VPS13A: variants seen among roughly 807,000 people sequenced by gnomAD.
VPS13A encodes the protein intermembrane lipid transfer protein VPS13A.
VPS13A carries 264 observed loss-of-function variants against 390.9 expected under a neutral mutation model. The ratio of observed to expected loss-of-function variants is 0.68; its 90% CI spans 0.61 to 0.75. The LOEUF is 0.75. VPS13A is among the 30% of genes least tolerant of loss of function. VPS13A has a pLI of 0.00. For synonymous variants in VPS13A, 1,231 were observed against 1,227.1 expected (o/e 1.00, Z -0.07); for missense variants, 3,409 against 3,733.9 (o/e 0.91, Z 2.27).
At chr9:77,379,823 G>T (rs1833331191) in intron 67 of VPS13A, among the ~76,000 whole-genome samples, 1 of 152,184 alleles carries the variant, frequency 6.6e-6, no homozygotes, top group African/African-American at 2.4e-5. Flanking sequence ...TATATATTCT[G>T]TTGTTGTTGG....
intron 5 of VPS13A, among the ~76,000 whole-genome samples, chr9:77,209,019 T>C (rs911502785): frequency 1.3e-5 from 2 of 152,236 alleles, no homozygotes; most frequent in African/African-American, 4.8e-5. Context: ...TCAACTGTTT[T>C]ACACATCTAT....
intron 67 of VPS13A, among the ~76,000 whole-genome samples, chr9:77,373,200 G>A (rs919338634): frequency 3.9e-4 from 59 of 150,586 alleles, no homozygotes; most frequent in East Asian, 3.9e-4. Flanking sequence ...CCAAAAGAAC[G>A]AAGCTGGAGG....
At chr9:77,286,719 T>C (rs903548926) in intron 31 of VPS13A, among the ~76,000 whole-genome samples, 5 of 152,176 alleles carry the variant, frequency 3.3e-5, no homozygotes, top group Admixed American at 2.0e-4. Flanking sequence ...TCACAGTTGA[T>C]GGTCAGGAAC....
chr9:77,341,751 T>G (rs1450778009), intron 50 of VPS13A, among the ~76,000 whole-genome samples: 4 of 144,124 alleles, frequency 2.8e-5, no homozygotes, highest in Non-Finnish European at 6.1e-5. Flanking sequence ...ACTATTTAAG[T>G]CTTCAACTGA....
At chr9:77,180,206 T>C (rs1823923307) in intron 1 of VPS13A, among the ~76,000 whole-genome samples, 1 of 152,216 alleles carries the variant, frequency 6.6e-6, no homozygotes, top group Admixed American at 6.5e-5. Context: ...TGTGGATGTA[T>C]GTTTTAAATT....
intron 19 of VPS13A, among the ~76,000 whole-genome samples, chr9:77,245,033 A>C (rs932703155): frequency 2.0e-5 from 3 of 152,110 alleles, no homozygotes; most frequent in Non-Finnish European, 2.9e-5. Flanking sequence ...GAGTGAGGGG[A>C]GAGTGGAGGG....
rs1302061472 is a variant in VPS13A, at chr9:77,273,462, A to G, written c.2512+98A>G. 4 of 987,666 alleles carry G rather than the reference A, an allele frequency of 4.0e-6. No homozygotes were observed. The highest frequency in any genetic ancestry group is 6.0e-6 in the Non-Finnish European group (4 of 671,624). 61.2% of individuals were successfully genotyped at this position (987,666 alleles called of 1,614,324 possible). ...CAAAGGACCACACAGAGGAAGGAAA[A>G]TATCTTTTCCTTTTAAAATCTAGGT... On this transcript the variant is annotated intron_variant, in intron 24 of 71. Coordinates refer to ENST00000360280, the MANE Select transcript of VPS13A (RefSeq NM_033305.3).
Position 77,281,895 on chromosome 9 carries a change from G to T in VPS13A, c.2933G>T (p.Ser978Ile), listed in dbSNP as rs1827047640. The change falls in exon 28 of 72, where the codon AGT (serine) becomes ATT (isoleucine). Residue 978 changes from serine to isoleucine, a missense_variant. This residue lies in a region of VPS13A where 2,717 missense variants were observed against 2,917.4 expected (regional missense o/e 0.93). Coordinates refer to ENST00000360280, the MANE Select transcript of VPS13A (RefSeq NM_033305.3). ...GAAAAGAATGTACCCGACTTGAAAA[G>T]TACCTATAACAATGTTTTACAATTG... ...KAEKNVPDLK[S>I]TYNNVLQLIK... is the part of the protein sequence containing the mutation. 2.5e-6 allele frequency: 4 copies of T among 1,603,944 alleles called. No individual in the cohort carries two copies. Among genetic ancestry groups the T allele is most frequent in the Non-Finnish European group, 3.4e-6 (4 of 1,171,868 alleles).
At chr9:77,378,618 T>C (rs769015583) in intron 67 of VPS13A, among the ~76,000 whole-genome samples, 1 of 152,014 alleles carries the variant, frequency 6.6e-6, no homozygotes, top group Non-Finnish European at 1.5e-5. Context: ...AGTGATGGCG[T>C]GTCATTTTTG....
chr9:77,408,535 T>C (rs1232213139), intron 71 of VPS13A, among the ~76,000 whole-genome samples: 1 of 152,190 alleles, frequency 6.6e-6, no homozygotes, highest in Non-Finnish European at 1.5e-5. Context: ...GGAATTCCCT[T>C]TCCTAGTCAA....
intron 44 of VPS13A, 58 bp downstream of exon 44, chr9:77,321,804 T>G: frequency 1.3e-6 from 2 of 1,590,030 alleles, no homozygotes; most frequent in Non-Finnish European, 1.7e-6. Context: ...ACAATTTACA[T>G]GTTATTTTAC....
Position 77,314,079 on chromosome 9 carries a change from A to G in VPS13A, c.4202A>G (p.Asp1401Gly), listed in dbSNP as rs1262100054. Reference sequence around the variant, plus strand: ...ACACTAAACATAAGCTTCAAAACTGATGATCTCACCATGGTGCTGTATAGT... The same window carrying G: ...ACACTAAACATAAGCTTCAAAACTGGTGATCTCACCATGGTGCTGTATAGT... ...KTTLNISFKT[D>G]DLTMVLYSPG... Residue 1401 changes from aspartate to glycine, a missense_variant, in exon 36 of 72, where the codon GAT becomes GGT. By Grantham distance (94) the Asp-to-Gly change is moderately conservative. Coordinates refer to ENST00000360280, the MANE Select transcript of VPS13A (RefSeq NM_033305.3). 6.2e-7 allele frequency: 1 copy of G among 1,613,432 alleles called. No individual in the cohort carries two copies.
In VPS13A at chr9:77,334,068, A is replaced by G. The variant is rs77278238; in HGVS notation, c.6095+1955A>G. Among the ~76,000 whole-genome samples the G allele has an allele frequency of 4.4e-3, 667 of 152,330 alleles. 3 individuals carry two copies. The highest frequency in any genetic ancestry group is 0.015 in the African/African-American group (630 of 41,582). Reference sequence around the variant, plus strand: ...GACTGACTCCTGGGCAAGATACATGAAGTACGGTAACATCTGTAATATAGT... The same window carrying G: ...GACTGACTCCTGGGCAAGATACATGGAGTACGGTAACATCTGTAATATAGT... On this transcript the variant is annotated intron_variant, in intron 46 of 71. Coordinates refer to ENST00000360280, the MANE Select transcript of VPS13A (RefSeq NM_033305.3).
At chr9:77,409,529 G>C (rs932484640) in intron 71 of VPS13A, among the ~76,000 whole-genome samples, 1 of 152,120 alleles carries the variant, frequency 6.6e-6, no homozygotes, top group African/African-American at 2.4e-5. Context: ...CGAATCCATG[G>C]CAAGGAAGTT....
intron 13 of VPS13A, among the ~76,000 whole-genome samples, chr9:77,221,904 C>T (rs1823241149): frequency 6.6e-6 from 1 of 152,124 alleles, no homozygotes; most frequent in Non-Finnish European, 1.5e-5. Flanking sequence ...TCTGCTTATA[C>T]AGAGCCCTTT....
At position 77,353,608 on chromosome 9, in the gene VPS13A, C is replaced by T. The variant is rs772782098; in HGVS notation, c.7619C>T (p.Thr2540Met). Residue 2540 changes from threonine to methionine, a missense_variant, in exon 54 of 72, where the codon ACG becomes ATG. Thr to Met is a moderately conservative substitution (Grantham distance 81). This residue lies in a region of VPS13A where 221 missense variants were observed against 300.7 expected (regional missense o/e 0.73). Coordinates refer to ENST00000360280, the MANE Select transcript of VPS13A (RefSeq NM_033305.3). The part of the protein sequence containing the change: ...DVGISLVNNY[T>M]KQEVAYIGIT... ...GGAATTTCTCTTGTCAACAATTACA[C>T]GAAGCAAGAAGTAGCCTATATAGGC... 30 of 1,613,198 alleles carry T rather than the reference C, an allele frequency of 1.9e-5. No individual in the cohort carries two copies. Among genetic ancestry groups the T allele is most frequent in the African/African-American group, 6.7e-5 (5 of 74,850 alleles).
chr9:77,293,268 A>G (rs972600826), intron 31 of VPS13A, 73 bp from the exon 32 acceptor site: 47 of 1,334,008 alleles, frequency 3.5e-5, no homozygotes, highest in Non-Finnish European at 5.3e-6. Flanking sequence ...GTTATTTTTT[A>G]CTGTTTTATT....
rs535262610 is a variant in VPS13A at position 77,372,710 on chromosome 9, C to T, written c.9077+1561C>T. ...AAGTCAAATTGTCCCTGTTTGCAGA[C>T]GACATGATTGTATATCTAGAAAACC... On this transcript the variant is annotated intron_variant, in intron 67 of 71. Coordinates refer to ENST00000360280, the MANE Select transcript of VPS13A (RefSeq NM_033305.3). Among the ~76,000 whole-genome samples, 1,304 of 152,174 alleles carry T rather than the reference C, an allele frequency of 8.6e-3. 10 individuals are homozygous for T. The highest frequency in any genetic ancestry group is 0.014 in the South Asian group (67 of 4,822).
Position 77,368,198 on chromosome 9 carries a change from C to G in VPS13A, c.8553+62C>G, listed in dbSNP as rs964976866. 5 of 1,317,268 alleles carry G rather than the reference C, an allele frequency of 3.8e-6. No homozygotes were observed. The African/African-American group carries it at 5.8e-5, about 15-fold the overall frequency. The allele number at this position is 1,317,268 out of a possible 1,614,324, so 81.6% of individuals were successfully genotyped here. A position where few individuals can be genotyped will look rare whatever the true frequency, so the allele number is the denominator to read the frequency against. ...TACAGACTGGTAAAACCTTTTGTGTCTATACATATATAATGTGGAACTATT... is the reference window on the plus strand; with the variant it reads ...TACAGACTGGTAAAACCTTTTGTGTGTATACATATATAATGTGGAACTATT... On this transcript the variant is annotated intron_variant, in intron 62 of 71. Coordinates refer to ENST00000360280, the MANE Select transcript of VPS13A (RefSeq NM_033305.3).
Sources: allele counts gnomAD v4.1 joint callset (sites outside exome capture counted in the v4.1 genomes callset), GRCh38; gene constraint gnomAD v4.1.1; regional missense constraint gnomAD v4.1.1; transcripts MANE v1.5; gene names NCBI Gene and HGNC (gene_info 2026-07-23, HGNC 2026-07-21).